The following TMEM135 variants were observed in gnomAD, a reference collection of about 807,000 sequenced individuals.
The protein encoded by TMEM135 is transmembrane protein 135.
TMEM135 carries 30 observed loss-of-function variants against 60.3 expected under a neutral mutation model. The observed-to-expected ratio is 0.50, with a 90% CI of 0.37 to 0.68. The LOEUF (loss-of-function observed/expected upper bound fraction) is 0.68. Among genes scored for constraint, TMEM135 ranks in the 30% least tolerant of loss-of-function variants. The pLI is 0.00. For missense variants in TMEM135, 468 were observed against 548.8 expected (o/e 0.85, Z 1.47); for synonymous variants, 190 against 186.7 (o/e 1.02, Z -0.14).
intron 6 of TMEM135, among the ~76,000 whole-genome samples, chr11:87,244,495 T>G (rs1270878282): frequency 3.1e-5 from 3 of 96,252 alleles, no homozygotes; most frequent in African/African-American, 1.2e-4. Context: ...TCTTTTTGGT[T>G]GGTAAGCTAT....
intron 5 of TMEM135, among the ~76,000 whole-genome samples, chr11:87,213,507 C>T (rs1940425722): frequency 6.6e-6 from 1 of 152,206 alleles, no homozygotes; most frequent in African/African-American, 2.4e-5. Context: ...CATCTACTTA[C>T]ACTCAGAGAT....
chr11:87,190,562 T>C (rs1356055235), intron 5 of TMEM135, among the ~76,000 whole-genome samples: 1 of 152,110 alleles, frequency 6.6e-6, no homozygotes, highest in Non-Finnish European at 1.5e-5. Flanking sequence ...TGAGACAAAG[T>C]TGCCTTAAAA....
chr11:87,085,280 G>T (rs1376507022), intron 3 of TMEM135, among the ~76,000 whole-genome samples: 1 of 152,192 alleles, frequency 6.6e-6, no homozygotes, highest in Non-Finnish European at 1.5e-5. Flanking sequence ...AGCAAAAGCT[G>T]TTAAGGAGGT....
chr11:87,216,545 T>G (rs1940505550), intron 5 of TMEM135, among the ~76,000 whole-genome samples: 1 of 152,176 alleles, frequency 6.6e-6, no homozygotes, highest in South Asian at 2.1e-4. Flanking sequence ...GGGTACCTTA[T>G]CCTACCTCAG....
At chr11:87,056,767 T>C (rs544575974) in intron 1 of TMEM135, among the ~76,000 whole-genome samples, 17 of 152,358 alleles carry the variant, frequency 1.1e-4, no homozygotes, top group African/African-American at 3.8e-4. Flanking sequence ...TCATGAGTTC[T>C]GTTTAAAGGA....
chr11:87,137,182 A>G (rs1464213343), intron 4 of TMEM135, among the ~76,000 whole-genome samples: 2 of 152,000 alleles, frequency 1.3e-5, no homozygotes, highest in African/African-American at 4.8e-5. Flanking sequence ...AAAAACATTT[A>G]AGTTTGTTAT....
At chr11:87,092,148 T>C (rs1175864384) in intron 4 of TMEM135, among the ~76,000 whole-genome samples, 3 of 152,180 alleles carry the variant, frequency 2.0e-5, no homozygotes, top group African/African-American at 7.2e-5. Flanking sequence ...TTATAAAATA[T>C]TTAGTTTTTG....
At chr11:87,247,191 A>C (rs1269283822) in intron 6 of TMEM135, among the ~76,000 whole-genome samples, 3 of 151,968 alleles carry the variant, frequency 2.0e-5, no homozygotes, top group African/African-American at 7.3e-5. Context: ...ATGAATGCTG[A>C]TGTCTGATCG....
chr11:87,096,151 C>A, intron 4 of TMEM135: 1 of 304,252 alleles, frequency 3.3e-6, no homozygotes, highest in South Asian at 3.7e-5. Flanking sequence ...GATGCTGAAA[C>A]AGGACTACTA....
intron 5 of TMEM135, among the ~76,000 whole-genome samples, chr11:87,230,579 A>AT (rs1466443124): frequency 6.6e-6 from 1 of 152,114 alleles, no homozygotes; most frequent in African/African-American, 2.4e-5. Context: ...ATGATCATTG[A>AT]TTTTTTGTGT....
chr11:87,067,419 A>ATTGTT (rs1166720447), intron 1 of TMEM135, among the ~76,000 whole-genome samples: 1 of 151,840 alleles, frequency 6.6e-6, no homozygotes, highest in Non-Finnish European at 1.5e-5. Context: ...TCAGTTTAAA[A>ATTGTT]TTGTTTTAAG....
Position 87,313,443 on chromosome 11 carries a change from C to T in TMEM135, c.955C>T (p.Arg319Cys), listed in dbSNP as rs202089067. Reference sequence around the variant, plus strand: ...TAACTAGGGTACTAGTTGCTTCCTGCGCTGGATCAGAAACTTAGATGATGA... The same window carrying T: ...TAACTAGGGTACTAGTTGCTTCCTGTGCTGGATCAGAAACTTAGATGATGA... ...SIYKGTSCFL[R>C]WIRNLDDELH... The change falls in exon 11 of 15, where the codon CGC (arginine) becomes TGC (cysteine). Residue 319 changes from arginine to cysteine, a missense_variant. Transcript: ENST00000305494. The T allele has an allele frequency of 9.3e-6, 15 of 1,610,596 alleles. No homozygotes were observed. Among genetic ancestry groups the T allele is most frequent in the South Asian group, 1.1e-5 (1 of 90,922 alleles).
At chr11:87,138,271 A>T (rs964547591) in intron 4 of TMEM135, among the ~76,000 whole-genome samples, 1 of 151,672 alleles carries the variant, frequency 6.6e-6, no homozygotes, top group Non-Finnish European at 1.5e-5. Context: ...TTGTATTTTT[A>T]ATAGAGATGG....
chr11:87,198,702 C>G (rs1940022373), intron 5 of TMEM135, among the ~76,000 whole-genome samples: 1 of 151,452 alleles, frequency 6.6e-6, no homozygotes, highest in Admixed American at 6.6e-5. Flanking sequence ...CCCTCCCTCT[C>G]TTTTCTTTTT....
intron 6 of TMEM135, among the ~76,000 whole-genome samples, chr11:87,271,468 T>C (rs755936358): frequency 2.6e-5 from 4 of 152,208 alleles, no homozygotes; most frequent in Non-Finnish European, 5.9e-5. Context: ...CACATACGGC[T>C]ATTGAGCCCT....
At position 87,323,732 on chromosome 11, in the gene TMEM135, C is replaced by T. The variant is rs896441672; in HGVS notation, c.*2399C>T. The T allele has an allele frequency of 8.8e-6, 4 of 453,462 alleles. No individual in the cohort carries two copies. Among genetic ancestry groups the T allele is most frequent in the Admixed American group, 4.7e-5 (2 of 42,506 alleles). 28.1% of individuals were successfully genotyped at this position (453,462 alleles called of 1,614,324 possible). A position where few individuals can be genotyped will look rare whatever the true frequency, so the allele number is the denominator to read the frequency against. ...ATAAAATCCTAGAACTAGTAGCAAC[C>T]GAGTAAAGATTGAGTTTGCAAGATA... On this transcript the variant is annotated 3_prime_UTR_variant, in exon 15 of 15. Coordinates refer to ENST00000305494, the MANE Select transcript of TMEM135 (RefSeq NM_022918.4).
chr11:87,236,915 G>A (rs945329093), intron 6 of TMEM135, among the ~76,000 whole-genome samples: 4 of 151,582 alleles, frequency 2.6e-5, no homozygotes, highest in African/African-American at 4.8e-5. Context: ...CTATTTATAA[G>A]TTCATCCTAG....
In TMEM135 at chr11:87,202,426, A is replaced by G. The variant is rs1399975848; in HGVS notation, c.463-34212A>G. Among the ~76,000 whole-genome samples, 5 of 152,214 alleles carry G rather than the reference A, an allele frequency of 3.3e-5. No homozygotes were observed. The East Asian group carries it at 9.7e-4, about 30-fold the overall frequency. The stretch of plus-strand genomic sequence containing the variant: ...CTGCAACCTCTGCCTCCTGGGCTCA[A>G]GTTATCCTCCCACCTCAGCCTCCTG... On this transcript the variant is annotated intron_variant, in intron 5 of 14. Coordinates refer to ENST00000305494, the MANE Select transcript of TMEM135 (RefSeq NM_022918.4).
At chr11:87,264,307 C>CTTTTTTTTTTTTTTT (rs145849024) in intron 6 of TMEM135, among the ~76,000 whole-genome samples, 1 of 146,710 alleles carries the variant, frequency 6.8e-6, no homozygotes, top group Non-Finnish European at 1.5e-5. Flanking sequence ...TGTTCTTTTT[C>CTTTTTTTTTTTTTTT]TTTTCTTTTT....
Sources: allele counts gnomAD v4.1 joint callset (sites outside exome capture counted in the v4.1 genomes callset), GRCh38; gene constraint gnomAD v4.1.1; transcripts MANE v1.5; gene names NCBI Gene and HGNC (gene_info 2026-07-23, HGNC 2026-07-21).